The following COLEC10 variants were observed in gnomAD, a reference collection of about 807,000 sequenced individuals.
COLEC10 encodes the protein collectin subfamily member 10, also known as collectin-10.
Under a neutral mutation model 28.4 loss-of-function variants are expected in COLEC10, and 22 were observed. The ratio of observed to expected loss-of-function variants is 0.78; its 90% CI spans 0.55 to 1.11. The LOEUF (loss-of-function observed/expected upper bound fraction) is 1.11, where lower values mean the gene tolerates loss of function less well. COLEC10 is among the 50% of genes least tolerant of loss of function. The probability of loss-of-function intolerance (pLI) is 0.00; values close to 1 mark genes in which losing one functional copy is unlikely to be tolerated. For synonymous variants in COLEC10, 125 were observed against 116.1 expected, an observed-to-expected ratio of 1.08 and a Z score of -0.49; for missense variants, 361 against 344.1, an observed-to-expected ratio of 1.05 and a Z score of -0.39.
chr8:118,981,261 A>G, the COLEC10 span, among the ~76,000 whole-genome samples: 1 of 152,070 alleles, frequency 6.6e-6, no homozygotes, highest in Admixed American at 6.6e-5. Context: ...AACAAACACC[A>G]TGCTTTTTAA....
At chr8:119,044,871 A>C (rs897273356) in intron 2 of COLEC10, among the ~76,000 whole-genome samples, 1 of 150,800 alleles carries the variant, frequency 6.6e-6, no homozygotes. Context: ...ACCACAACTG[A>C]GAGTTGAGAT....
At chr8:119,084,568 A>T (rs2450066) in intron 1 of COLEC10, among the ~76,000 whole-genome samples, 1 of 151,544 alleles carries the variant, frequency 6.6e-6, no homozygotes, top group African/African-American at 2.4e-5. Context: ...TATATAGCAC[A>T]GCAGTGTGGG....
At chr8:119,032,596 G>A (rs1260528324) in intron 2 of COLEC10, among the ~76,000 whole-genome samples, 1 of 152,160 alleles carries the variant, frequency 6.6e-6, no homozygotes, top group Non-Finnish European at 1.5e-5. Context: ...GGAAGATCTT[G>A]TTCTCTCATA....
At chr8:119,070,391 A>G (rs987397341) in intron 1 of COLEC10, among the ~76,000 whole-genome samples, 2 of 150,996 alleles carry the variant, frequency 1.3e-5, no homozygotes, top group African/African-American at 4.9e-5. Context: ...TTTTCTTTCT[A>G]TGCCTTAAAC....
At chr8:119,019,883 A>C (rs1434818071) in intron 2 of COLEC10, among the ~76,000 whole-genome samples, 1 of 152,196 alleles carries the variant, frequency 6.6e-6, no homozygotes, top group Non-Finnish European at 1.5e-5. Context: ...TTAAAATTTC[A>C]ATGTGATGTC....
At chr8:119,067,123 AAT>A, upstream of COLEC10, 4 of 641,650 alleles carry the variant, frequency 6.2e-6, no homozygotes, top group Non-Finnish European at 7.9e-6. Context: ...GCACTGAGAA[AAT>A]AAACAACCTA....
At chr8:119,056,960 C>T (rs1219144082) in intron 2 of COLEC10, among the ~76,000 whole-genome samples, 1 of 152,032 alleles carries the variant, frequency 6.6e-6, no homozygotes, top group East Asian at 1.9e-4. Context: ...TCAACTAAGA[C>T]TTAAATGTGC....
rs376866289 is a variant in COLEC10 at position 119,106,137 on chromosome 8, A to G, written c.780A>G (p.Thr260=). ...TGAGCTCTGGCAGATGGAATGACAC[A>G]GAGTGCCATCTTACCATGTACTTTG... ...EMLSSGRWND[T]ECHLTMYFVC... is the part of the protein sequence containing the mutation. Residue 260 remains threonine, a synonymous_variant, in exon 6 of 6, where the codon ACA becomes ACG. Transcript: ENST00000332843. 6.8e-6 allele frequency: 11 copies of G among 1,613,278 alleles called. 1 individual carries two copies. The highest frequency in any genetic ancestry group is 3.3e-4 in the Middle Eastern group (2 of 6,070).
At chr8:119,070,253 T>A (rs1815075709) in intron 1 of COLEC10, among the ~76,000 whole-genome samples, 1 of 152,178 alleles carries the variant, frequency 6.6e-6, no homozygotes, top group Admixed American at 6.5e-5. Context: ...CTTTAAGCTG[T>A]ACAGACATCA....
At chr8:119,044,011 A>G (rs1226144668) in intron 2 of COLEC10, among the ~76,000 whole-genome samples, 1 of 152,262 alleles carries the variant, frequency 6.6e-6, no homozygotes, top group Non-Finnish European at 1.5e-5. Flanking sequence ...TAAAACCTAC[A>G]AAACAGACAG....
At chr8:119,013,836 T>C (rs1018953711) in intron 2 of COLEC10, among the ~76,000 whole-genome samples, 2 of 150,876 alleles carry the variant, frequency 1.3e-5, no homozygotes, top group African/African-American at 5.0e-5. Context: ...TCTCCATCTA[T>C]TTACTTTTAA....
intron 2 of COLEC10, among the ~76,000 whole-genome samples, chr8:119,019,848 CAATT>C (rs1295706023): frequency 6.6e-6 from 1 of 152,156 alleles, no homozygotes; most frequent in Non-Finnish European, 1.5e-5. Flanking sequence ...TACCAATAAA[CAATT>C]AATAAAGCTA....
chr8:119,096,460 A>G (rs1158796617), intron 3 of COLEC10, among the ~76,000 whole-genome samples: 14 of 152,012 alleles, frequency 9.2e-5, no homozygotes, highest in Admixed American at 9.2e-4. Flanking sequence ...GTGTGGTGAC[A>G]CATGCCTGTA....
chr8:119,069,565 C>T (rs1815047812), intron 1 of COLEC10, among the ~76,000 whole-genome samples: 1 of 131,184 alleles, frequency 7.6e-6, no homozygotes, highest in African/African-American at 2.9e-5. Flanking sequence ...ATGATCATGC[C>T]ACTTCACTCC....
chr8:119,067,329 G>A lies in COLEC10; in HGVS notation c.48G>A (p.Leu16=). 6.2e-7 allele frequency: 1 copy of A among 1,613,886 alleles called. No individual in the cohort carries two copies. The highest frequency in any genetic ancestry group is 1.7e-5 in the Admixed American group (1 of 59,996). ...TTCGAAGAAACCAATTTATCCTCCT[G>A]GTACTATTTCTTTTGCAAATTCAGA... The part of the protein sequence containing the change: ...SLLRRNQFIL[L]VLFLLQIQSL... Residue 16 remains leucine (L), a synonymous_variant, in exon 1 of 6, where the codon CTG becomes CTA. Coordinates refer to ENST00000332843, the MANE Select transcript of COLEC10 (RefSeq NM_006438.5).
chr8:119,070,579 T>TTTC (rs1554627469), intron 1 of COLEC10, among the ~76,000 whole-genome samples: 16 of 17,738 alleles, frequency 9.0e-4, no homozygotes, highest in Admixed American at 7.2e-3. Context: ...CCCCCACCCC[T>TTTC]TCTCTCTCTC....
chr8:119,078,990 TACACAC>T (rs59453751), intron 1 of COLEC10, among the ~76,000 whole-genome samples: 6,469 of 142,826 alleles, frequency 0.045, 152 homozygotes, highest in South Asian at 0.084. Context: ...TGGGAAAACG[TACACAC>T]ACACACACAC....
chr8:119,016,516 A>T (rs1197483385), intron 2 of COLEC10, among the ~76,000 whole-genome samples: 2 of 151,954 alleles, frequency 1.3e-5, no homozygotes, highest in Admixed American at 6.6e-5. Flanking sequence ...TAGTACAATG[A>T]TTTATAATCC....
chr8:118,994,417 T>A (rs1464677861), upstream of COLEC10, among the ~76,000 whole-genome samples: 1 of 152,198 alleles, frequency 6.6e-6, no homozygotes, highest in African/African-American at 2.4e-5. Flanking sequence ...TACACAAAAC[T>A]GTAATTCAAA....
Sources: allele counts gnomAD v4.1 joint callset (sites outside exome capture counted in the v4.1 genomes callset), GRCh38; gene constraint gnomAD v4.1.1; transcripts MANE v1.5; gene names NCBI Gene and HGNC (gene_info 2026-07-23, HGNC 2026-07-21).